SCRT2: variants seen among roughly 807,000 people sequenced by gnomAD.
SCRT2 encodes scratch family transcriptional repressor 2, also known as transcriptional repressor scratch 2.
Under a neutral mutation model 3.7 loss-of-function variants are expected in SCRT2, and 2 were observed. The ratio of observed to expected loss-of-function variants is 0.54; its 90% confidence interval spans 0.22 to 1.70. The LOEUF is 1.70. Ranked by LOEUF, SCRT2 falls within the 40% of genes most tolerant of loss-of-function variation. The probability of loss-of-function intolerance (pLI) is 0.19; values close to 1 mark genes in which losing one functional copy is unlikely to be tolerated. For missense variants in SCRT2, 456 were observed against 468.5 expected (o/e 0.97, Z 0.25); for synonymous variants, 256 against 220.6 (o/e 1.16, Z -1.42).
intron 1 of SCRT2, among the ~76,000 whole-genome samples, chr20:674,927 AAG>A (rs534743228): frequency 2.0e-5 from 3 of 152,242 alleles, no homozygotes; most frequent in African/African-American, 7.2e-5. Context: ...AGGGTAACAA[AAG>A]AGTTATTGAG....
rs1215519679 is a variant in SCRT2, at chr20:675,738, G to T, written c.-137C>A. 2 of 434,768 alleles carry T rather than the reference G, an allele frequency of 4.6e-6. No homozygotes were observed. The highest frequency in any genetic ancestry group is 6.8e-6 in the Non-Finnish European group (2 of 295,636). The allele number at this position is 434,768 out of a possible 1,614,324, so 26.9% of individuals were successfully genotyped here. On this transcript the variant is annotated 5_prime_UTR_variant, in exon 1 of 2. Transcript: ENST00000246104. This position sits in a 1 kb window ranked among gnomAD's most constrained non-coding sequence, Gnocchi z 6.9. ...GCCGCTCGGAGCCGGCACCGGTGGC[G>T]GCGGCCCCGGCTCGGGCTCGGGCTT...
In SCRT2 at chr20:663,803, G is replaced by C; in HGVS notation, c.792C>G (p.Ala264=). Residue 264 remains alanine, a synonymous_variant, in exon 2 of 2, where the codon GCC becomes GCG. Coordinates refer to ENST00000246104, the MANE Select transcript of SCRT2 (RefSeq NM_033129.4). This position sits in a 1 kb window ranked among gnomAD's most constrained non-coding sequence, Gnocchi z 6.9. ...ACTGGCGGCAGCGGTAGTGCTTGAAGGCCGAGTGCGTCTGCATGTGCGCGC... is the reference window on the plus strand; with the variant it reads ...ACTGGCGGCAGCGGTAGTGCTTGAACGCCGAGTGCGTCTGCATGTGCGCGC... ...NLRAHMQTHS[A]FKHYRCRQCD... The C allele has an allele frequency of 6.3e-7, 1 of 1,595,678 alleles. No homozygotes were observed. Among genetic ancestry groups the C allele is most frequent in the Non-Finnish European group, 8.5e-7 (1 of 1,173,200 alleles).
chr20:668,868 A>ATACTGC (rs1450370029), intron 1 of SCRT2, among the ~76,000 whole-genome samples: 2 of 152,208 alleles, frequency 1.3e-5, no homozygotes, highest in Non-Finnish European at 2.9e-5. Flanking sequence ...TGTGTAACAA[A>ATACTGC]TACTGCTACT....
rs1399028474 is a variant in SCRT2, at chr20:663,755, C to T, written c.840G>A (p.Lys280=). 1 of 1,577,366 alleles carries T rather than the reference C, an allele frequency of 6.3e-7. No individual in the cohort carries two copies. Among genetic ancestry groups the T allele is most frequent in the Admixed American group, 1.8e-5 (1 of 54,354 alleles). ...CCTCGCAGTGCTTGTGGAGGTAGGA[C>T]TTGAGCGCGAAGCTCTTGTCGCACT... ...CRQCDKSFAL[K]SYLHKHCEAA... Residue 280 remains lysine (K), a synonymous_variant, in exon 2 of 2, where the codon AAG becomes AAA. Transcript: ENST00000246104. The surrounding 1 kb of genome is among the most constrained non-coding windows in gnomAD (Gnocchi z 6.9).
Position 675,353 on chromosome 20 carries a change from A to T in SCRT2, c.133+116T>A. On this transcript the variant is annotated intron_variant, in intron 1 of 1. Coordinates refer to ENST00000246104, the MANE Select transcript of SCRT2 (RefSeq NM_033129.4). This position sits in a 1 kb window ranked among gnomAD's most constrained non-coding sequence, Gnocchi z 6.9. The stretch of plus-strand genomic sequence containing the variant: ...CCGGGAGGAGCCCACGGCCAGAGAG[A>T]TCTCCTCCCGGGGGTTTCCTGTCGC... The T allele has an allele frequency of 1.1e-6, 1 of 880,710 alleles. No homozygotes were observed. Among genetic ancestry groups the T allele is most frequent in the Non-Finnish European group, 1.5e-6 (1 of 662,756 alleles). The allele number at this position is 880,710 out of a possible 1,614,324, so 54.6% of individuals were successfully genotyped here.
At chr20:672,933 G>A (rs1004508731) in intron 1 of SCRT2, among the ~76,000 whole-genome samples, 1 of 151,956 alleles carries the variant, frequency 6.6e-6, no homozygotes, top group Non-Finnish European at 1.5e-5. Flanking sequence ...ACCAGGAGCC[G>A]GCGGGCTCTC....
rs1984177173 is a variant in SCRT2 at position 667,063 on chromosome 20, T to C, written c.134-2602A>G. Among the ~76,000 whole-genome samples, 1 of 152,190 alleles carries C rather than the reference T, an allele frequency of 6.6e-6. No homozygotes were observed. The highest frequency in any genetic ancestry group is 1.5e-5 in the Non-Finnish European group (1 of 68,030). On this transcript the variant is annotated intron_variant, in intron 1 of 1. Coordinates refer to ENST00000246104, the MANE Select transcript of SCRT2 (RefSeq NM_033129.4). The surrounding 1 kb of genome is among the most constrained non-coding windows in gnomAD (Gnocchi z 4.4). Reference sequence around the variant, plus strand: ...GTTTTGGCTCTACCATTCCCAGCAGTGTGACCTTGGCCAAACGATTTGGCC... The same window carrying C: ...GTTTTGGCTCTACCATTCCCAGCAGCGTGACCTTGGCCAAACGATTTGGCC...
rs1333728533 is a variant in SCRT2, at chr20:665,252, G to A, written c.134-791C>T. ...GTGAGCTCCCCATGGTTGGATCTGT[G>A]TGCCCAGCACATGCCTGGCTCAAAG... On this transcript the variant is annotated intron_variant, in intron 1 of 1. Transcript: ENST00000246104. This position sits in a 1 kb window ranked among gnomAD's most constrained non-coding sequence, Gnocchi z 5.0. 1.3e-5 allele frequency among the ~76,000 whole-genome samples: 2 copies of A among 152,220 alleles called. No individual in the cohort carries two copies. Among genetic ancestry groups the A allele is most frequent in the Non-Finnish European group, 2.9e-5 (2 of 68,036 alleles).
At chr20:674,041 G>A (rs75561385) in intron 1 of SCRT2, among the ~76,000 whole-genome samples, 211 of 152,274 alleles carry the variant, frequency 1.4e-3, no homozygotes, top group African/African-American at 5.0e-3. Flanking sequence ...CAAGAAAAGA[G>A]GACAGTAGAA....
At chr20:670,508 C>G (rs1984299619) in intron 1 of SCRT2, among the ~76,000 whole-genome samples, 1 of 152,192 alleles carries the variant, frequency 6.6e-6, no homozygotes, top group African/African-American at 2.4e-5. Flanking sequence ...GTGGGGGCCC[C>G]TAAAACCTGT....
At chr20:672,047 AG>A in intron 1 of SCRT2, among the ~76,000 whole-genome samples, 1 of 152,150 alleles carries the variant, frequency 6.6e-6, no homozygotes, top group Non-Finnish European at 1.5e-5. Flanking sequence ...GTGGAGTTGG[AG>A]GGTGAGGTTA....
rs1983981009 is a variant in SCRT2 at position 662,315 on chromosome 20, C to G, written c.*1356G>C. On this transcript the variant is annotated 3_prime_UTR_variant, in exon 2 of 2. Transcript: ENST00000246104. ...CAGGAAACAAATCGAAGAGGCTCCT[C>G]TCTCCGGGCCGCCTGGAGTGGCAGG... 1 of 152,698 alleles carries G rather than the reference C, an allele frequency of 6.5e-6. No homozygotes were observed. The highest frequency in any genetic ancestry group is 2.4e-5 in the African/African-American group (1 of 41,456). 9.5% of individuals were successfully genotyped at this position (152,698 alleles called of 1,614,324 possible). A position where few individuals can be genotyped will look rare whatever the true frequency, so the allele number is the denominator to read the frequency against.
intron 1 of SCRT2, among the ~76,000 whole-genome samples, chr20:672,551 C>T (rs989379069): frequency 6.6e-6 from 1 of 152,022 alleles, no homozygotes; most frequent in African/African-American, 2.4e-5. Flanking sequence ...CAGCTAGGAG[C>T]TTGTGGTTTC....
chr20:673,554 G>A (rs577130311), intron 1 of SCRT2, among the ~76,000 whole-genome samples: 33 of 152,310 alleles, frequency 2.2e-4, no homozygotes, highest in Admixed American at 1.6e-3. Context: ...GAGACCCATG[G>A]GGAAGGGGAC....
In SCRT2 at chr20:663,265, A is replaced by T; in HGVS notation, c.*406T>A. The T allele has an allele frequency of 5.4e-6, 1 of 184,102 alleles. No homozygotes were observed. Among genetic ancestry groups the T allele is most frequent in the Non-Finnish European group, 1.1e-5 (1 of 89,564 alleles). 11.4% of individuals were successfully genotyped at this position (184,102 alleles called of 1,614,324 possible). On this transcript the variant is annotated 3_prime_UTR_variant, in exon 2 of 2. Transcript: ENST00000246104. This position sits in a 1 kb window ranked among gnomAD's most constrained non-coding sequence, Gnocchi z 6.9. Reference sequence around the variant, plus strand: ...GTTTGCGGCTTTCATTGGGGGCTCCAGTAGAGGAATGGTCAGAGAGATTCA... The same window carrying T: ...GTTTGCGGCTTTCATTGGGGGCTCCTGTAGAGGAATGGTCAGAGAGATTCA...
intron 1 of SCRT2, among the ~76,000 whole-genome samples, chr20:674,614 C>T (rs1172291578): frequency 2.0e-5 from 3 of 152,222 alleles, no homozygotes; most frequent in South Asian, 4.1e-4. Flanking sequence ...GAGATCACCC[C>T]CTTCTGCACC....
At position 663,476 on chromosome 20, in the gene SCRT2, C is replaced by A; in HGVS notation, c.*195G>T. 2.2e-6 allele frequency: 1 copy of A among 446,670 alleles called. No individual in the cohort carries two copies. Among genetic ancestry groups the A allele is most frequent in the Non-Finnish European group, 3.6e-6 (1 of 274,344 alleles). 27.7% of individuals were successfully genotyped at this position (446,670 alleles called of 1,614,324 possible). On this transcript the variant is annotated 3_prime_UTR_variant, in exon 2 of 2. Coordinates refer to ENST00000246104, the MANE Select transcript of SCRT2 (RefSeq NM_033129.4). The surrounding 1 kb of genome is among the most constrained non-coding windows in gnomAD (Gnocchi z 6.9). ...AAAGGATGAAGTGGGTCGGGGGACG[C>A]TGGGGAAGACGGTGTGGAAGTGAGT...
Position 662,851 on chromosome 20 carries a change from G to A in SCRT2, c.*820C>T, listed in dbSNP as rs1390593406. The A allele has an allele frequency of 1.3e-5, 2 of 152,698 alleles. No individual in the cohort carries two copies. The highest frequency in any genetic ancestry group is 2.9e-5 in the Non-Finnish European group (2 of 68,144). 9.5% of individuals were successfully genotyped at this position (152,698 alleles called of 1,614,324 possible). On this transcript the variant is annotated 3_prime_UTR_variant, in exon 2 of 2. Transcript: ENST00000246104. ...AGAGAGGGGTTACATTAGGGGGCAG[G>A]GCCCTGAAGTGCCCCTCAAGCCCCC...
intron 1 of SCRT2, among the ~76,000 whole-genome samples, chr20:670,040 A>G (rs984275333): frequency 1.3e-5 from 2 of 151,448 alleles, no homozygotes; most frequent in East Asian, 3.9e-4. Context: ...TTTCCCCACC[A>G]CCCCCATCTC....
Sources: allele counts gnomAD v4.1 joint callset (sites outside exome capture counted in the v4.1 genomes callset), GRCh38; gene constraint gnomAD v4.1.1; non-coding constraint Gnocchi (gnomAD v3.1); transcripts MANE v1.5; gene names NCBI Gene and HGNC (gene_info 2026-07-23, HGNC 2026-07-21).